Variants in COLEC11 observed in about 807,000 individuals in gnomAD.
COLEC11 encodes the protein collectin subfamily member 11, also known as collectin-11.
COLEC11 carries 20 observed loss-of-function variants against 27.3 expected under a neutral mutation model. The observed-to-expected ratio is 0.73, with a 90% CI of 0.51 to 1.06. The LOEUF (loss-of-function observed/expected upper bound fraction) is 1.06. Among genes scored for constraint, COLEC11 ranks in the 50% least tolerant of loss-of-function variants. COLEC11 has a pLI of 0.00. For synonymous variants in COLEC11, 163 were observed against 154.7 expected (o/e 1.05, Z -0.40); for missense variants, 310 against 383.0 (o/e 0.81, Z 1.59).
intron 3 of COLEC11, among the ~76,000 whole-genome samples, chr2:3,637,271 GC>G (rs1156724051): frequency 6.6e-6 from 1 of 152,216 alleles, no homozygotes; most frequent in Admixed American, 6.5e-5. Context: ...ACTTAGGGGT[GC>G]CCCGTTCAGC....
Position 3,638,779 on chromosome 2 carries a change from C to T in COLEC11, c.274+1175C>T, listed in dbSNP as rs574128325. 4.6e-5 allele frequency among the ~76,000 whole-genome samples: 7 copies of T among 152,308 alleles called. No individual in the cohort carries two copies. The South Asian group carries it at 8.3e-4, about 18-fold the overall frequency. Reference sequence around the variant, plus strand: ...GAGAACCACAGGATCTGGAGGGAGGCGTGGGCTTCACAAACCCAAATAACA... The same window carrying T: ...GAGAACCACAGGATCTGGAGGGAGGTGTGGGCTTCACAAACCCAAATAACA... On this transcript the variant is annotated intron_variant, in intron 4 of 6. Transcript: ENST00000349077.
Position 3,644,256 on chromosome 2 carries a change from T to A in COLEC11, c.*138T>A. 9.2e-7 allele frequency: 1 copy of A among 1,091,116 alleles called. No individual in the cohort carries two copies. The highest frequency in any genetic ancestry group is 1.4e-6 in the Non-Finnish European group (1 of 734,888). 67.6% of individuals were successfully genotyped at this position (1,091,116 alleles called of 1,614,324 possible). On this transcript the variant is annotated 3_prime_UTR_variant, in exon 7 of 7. Transcript: ENST00000349077. ...GCTCACTGAGTAGAGGGCTGTTGTC[T>A]AAACTGAGAAAATGGCCTATGCTTA...
intron 3 of COLEC11, among the ~76,000 whole-genome samples, chr2:3,635,853 G>A (rs1374808640): frequency 6.6e-6 from 1 of 152,226 alleles, no homozygotes; most frequent in Non-Finnish European, 1.5e-5. Context: ...TGTTGTCCTG[G>A]CTCTGCCATG....
At chr2:3,616,452 A>C (rs1318616593) in intron 3 of COLEC11, among the ~76,000 whole-genome samples, 1 of 152,142 alleles carries the variant, frequency 6.6e-6, no homozygotes, top group Non-Finnish European at 1.5e-5. Context: ...ACGCCACTGC[A>C]CTCCAGCCTG....
chr2:3,643,259 C>T (rs1318817238), intron 5 of COLEC11, among the ~76,000 whole-genome samples, 185 bp from the exon 6 acceptor site: 1 of 152,246 alleles, frequency 6.6e-6, no homozygotes, highest in Non-Finnish European at 1.5e-5. Flanking sequence ...TCCCTCCACT[C>T]CTGTGGAGGT....
chr2:3,596,606 G>A lies in COLEC11; in HGVS notation c.-27+1438G>A, dbSNP rs147283874. Among the ~76,000 whole-genome samples the A allele has an allele frequency of 2.8e-3, 432 of 152,206 alleles. 1 individual carries two copies. The highest frequency in any genetic ancestry group is 9.7e-3 in the African/African-American group (402 of 41,506). Reference sequence around the variant, plus strand: ...CCCACCTTGGCCTCCCAAAATGCTAGGATTATAGGCATGAGCCACTGGGCC... The same window carrying A: ...CCCACCTTGGCCTCCCAAAATGCTAAGATTATAGGCATGAGCCACTGGGCC... On this transcript the variant is annotated intron_variant, in intron 1 of 6. Transcript: ENST00000349077.
intron 5 of COLEC11, among the ~76,000 whole-genome samples, chr2:3,642,333 G>C (rs1304610230): frequency 6.6e-6 from 1 of 152,194 alleles, no homozygotes; most frequent in Non-Finnish European, 1.5e-5. Flanking sequence ...AGGCGTATGG[G>C]AACGGAATGA....
In COLEC11 at chr2:3,644,090, T is replaced by A; in HGVS notation, c.788T>A (p.Met263Lys). The change falls in exon 7 of 7, where the codon ATG becomes AAG. Residue 263 changes from methionine (M) to lysine (K), a missense_variant. Transcript: ENST00000349077. The stretch of plus-strand genomic sequence containing the variant: ...GCCTGCCACACCACCATGTACTTCA[T>A]GTGTGAGTTTGACAAGGAGAACATG... ...DVACHTTMYF[M>K]CEFDKENM The A allele has an allele frequency of 6.2e-7, 1 of 1,613,076 alleles. No homozygotes were observed. The highest frequency in any genetic ancestry group is 8.5e-7 in the Non-Finnish European group (1 of 1,180,028).
Position 3,608,701 on chromosome 2 carries a change from T to A in COLEC11, c.130+4231T>A, listed in dbSNP as rs903163084. Among the ~76,000 whole-genome samples the A allele has an allele frequency of 3.6e-4, 55 of 152,226 alleles. 1 individual carries two copies. The highest frequency in any genetic ancestry group is 1.3e-3 in the African/African-American group (52 of 41,532). ...ACAAAACAAAACAAAAAAACAACCCTGCCAAATTGTGAACAGTGCTTGAAA... is the reference window on the plus strand; with the variant it reads ...ACAAAACAAAACAAAAAAACAACCCAGCCAAATTGTGAACAGTGCTTGAAA... On this transcript the variant is annotated intron_variant, in intron 2 of 6. Transcript: ENST00000349077.
rs370358651 is a variant in COLEC11 at position 3,643,530 on chromosome 2, A to G, written c.415A>G (p.Ile139Val). 2.0e-5 allele frequency: 32 copies of G among 1,613,582 alleles called. No homozygotes were observed. The highest frequency in any genetic ancestry group is 2.0e-5 in the Non-Finnish European group (24 of 1,179,838). The change falls in exon 6 of 7, where the codon ATC becomes GTC. Residue 139 changes from isoleucine (I) to valine (V), a missense_variant. Transcript: ENST00000349077. ...TCAGCTGACCAGCGAGCTCAAGTTC[A>G]TCAAGAATGGTATGTGGCTCCCGGC... ...VSQLTSELKF[I>V]KNAVAGVRET...
chr2:3,634,739 G>A (rs1012798273), intron 3 of COLEC11, among the ~76,000 whole-genome samples: 2 of 152,092 alleles, frequency 1.3e-5, no homozygotes, highest in East Asian at 1.9e-4. Flanking sequence ...ACAGGCTGCC[G>A]TGGAGAGGGA....
At chr2:3,640,912 C>T (rs1572478542) in intron 5 of COLEC11, among the ~76,000 whole-genome samples, 2 of 115,414 alleles carry the variant, frequency 1.7e-5, no homozygotes, top group South Asian at 6.5e-4. Context: ...ACCCCCGTCA[C>T]ATCCCACGGC....
intron 3 of COLEC11, among the ~76,000 whole-genome samples, chr2:3,614,572 T>C (rs1663511190): frequency 6.6e-6 from 1 of 152,116 alleles, no homozygotes; most frequent in Non-Finnish European, 1.5e-5. Flanking sequence ...TTTCCATTTA[T>C]TAAGTTTAGA....
At chr2:3,605,196 A>C in intron 2 of COLEC11, 3 of 453,064 alleles carry the variant, frequency 6.6e-6, no homozygotes, top group Admixed American at 5.0e-5. Flanking sequence ...TACAGAACCC[A>C]AGAAGGGACA....
At position 3,637,489 on chromosome 2, in the gene COLEC11, G is replaced by A. The variant is rs763274638; in HGVS notation, c.203-44G>A. On this transcript the variant is annotated intron_variant, in intron 3 of 6. Coordinates refer to ENST00000349077, the MANE Select transcript of COLEC11 (RefSeq NM_024027.5). Reference sequence around the variant, plus strand: ...CGTGTGTGATGGAGGAGGCCACGGTGTCACCTGTGCATCGACCAACTTTGC... The same window carrying A: ...CGTGTGTGATGGAGGAGGCCACGGTATCACCTGTGCATCGACCAACTTTGC... 19 of 1,517,592 alleles carry A rather than the reference G, an allele frequency of 1.3e-5. No individual in the cohort carries two copies. The East Asian group carries it at 3.6e-4, about 29-fold the overall frequency. 94.0% of individuals were successfully genotyped at this position (1,517,592 alleles called of 1,614,324 possible).
At chr2:3,643,386 C>G (rs1558522702) in intron 5 of COLEC11, 58 bp from the exon 6 acceptor site, 1 of 1,432,592 alleles carries the variant, frequency 7.0e-7, no homozygotes, top group Admixed American at 1.7e-5. Context: ...GTCCTCGCCT[C>G]TCTTCTGAGT....
chr2:3,640,401 A>G lies in COLEC11; in HGVS notation c.328+70A>G. 3.5e-6 allele frequency: 3 copies of G among 867,702 alleles called. No homozygotes were observed. In the South Asian group the frequency reaches 4.2e-5, roughly 12 times the overall value. The allele number at this position is 867,702 out of a possible 1,614,324, so 53.8% of individuals were successfully genotyped here. A position where few individuals can be genotyped will look rare whatever the true frequency, so the allele number is the denominator to read the frequency against. On this transcript the variant is annotated intron_variant, in intron 5 of 6. Coordinates refer to ENST00000349077, the MANE Select transcript of COLEC11 (RefSeq NM_024027.5). ...AATTGCACTTTTGAAAACAATGTAG[A>G]TCTACACCATGTAGATCCCACAGTG...
chr2:3,617,698 G>A (rs1454916494), intron 3 of COLEC11: 7 of 1,600,168 alleles, frequency 4.4e-6, no homozygotes, highest in East Asian at 2.2e-5. Flanking sequence ...TGGAGGAAAA[G>A]CGGAGCGAGG....
Position 3,644,324 on chromosome 2 carries a change from G to A in COLEC11, c.*206G>A, listed in dbSNP as rs1244570347. 2.8e-6 allele frequency: 2 copies of A among 717,696 alleles called. No individual in the cohort carries two copies. The highest frequency in any genetic ancestry group is 5.0e-6 in the Non-Finnish European group (2 of 402,760). The allele number at this position is 717,696 out of a possible 1,614,324, so 44.5% of individuals were successfully genotyped here. A position where few individuals can be genotyped will look rare whatever the true frequency, so the allele number is the denominator to read the frequency against. ...TTCCTGGGGTGCTGTCTCTGAAGAA[G>A]CAGAGTTTCATTACCTGTATTGTAG... On this transcript the variant is annotated 3_prime_UTR_variant, in exon 7 of 7. Transcript: ENST00000349077.
Sources: gnomAD v4.1 joint callset for allele counts (sites outside exome capture counted in the v4.1 genomes callset) on GRCh38, gnomAD v4.1.1 for gene constraint, MANE v1.5 for transcripts, NCBI Gene and HGNC (gene_info 2026-07-23, HGNC 2026-07-21) for gene names.